Variants in OTOG observed in about 807,000 individuals in gnomAD.
The protein encoded by OTOG is otogelin.
Under a neutral mutation model 313.8 loss-of-function variants are expected in OTOG, and 296 were observed. That is an observed-to-expected ratio of 0.94 (90% confidence interval 0.86 to 1.04). The LOEUF (loss-of-function observed/expected upper bound fraction) is 1.04, where lower values mean the gene tolerates loss of function less well. OTOG is among the 50% of genes least tolerant of loss of function. The pLI, the probability that OTOG is intolerant of heterozygous loss-of-function variation, is 0.00. For synonymous variants in OTOG, 1,533 were observed against 1,554.9 expected (o/e 0.99, Z 0.33); for missense variants, 3,948 against 3,840.1 (o/e 1.03, Z -0.74).
intron 23 of OTOG, among the ~76,000 whole-genome samples, chr11:17,578,739 C>G (rs1445296941): frequency 6.6e-6 from 1 of 152,134 alleles, no homozygotes; most frequent in Non-Finnish European, 1.5e-5. Flanking sequence ...AGGGAGAGCC[C>G]TGGCCGCTCA....
At chr11:17,552,887 G>A (rs1010935412) in intron 4 of OTOG, among the ~76,000 whole-genome samples, 1 of 152,208 alleles carries the variant, frequency 6.6e-6, no homozygotes, top group African/African-American at 2.4e-5. Flanking sequence ...GCTGGCCTGG[G>A]GGCCACTTGA....
intron 53 of OTOG, 129 bp downstream of exon 53, chr11:17,642,375 C>T: frequency 1.6e-6 from 2 of 1,245,838 alleles, no homozygotes; most frequent in Middle Eastern, 2.1e-4. Flanking sequence ...TGCACTGCCA[C>T]CCCAAATCCA....
chr11:17,629,990 C>CAT (rs1461823363), intron 40 of OTOG, among the ~76,000 whole-genome samples: 2 of 152,028 alleles, frequency 1.3e-5, no homozygotes, highest in Non-Finnish European at 1.5e-5. Context: ...CACACACACA[C>CAT]ATACACACAC....
chr11:17,632,305 C>T, intron 42 of OTOG, 79 bp downstream of exon 42: 4 of 1,433,484 alleles, frequency 2.8e-6, no homozygotes, highest in Non-Finnish European at 3.7e-6. Flanking sequence ...GGCTCCCGGC[C>T]CCAAGTTCAT....
chr11:17,574,314 G>A (rs1565099233), intron 19 of OTOG, among the ~76,000 whole-genome samples: 1 of 125,742 alleles, frequency 8.0e-6, no homozygotes, highest in Non-Finnish European at 1.8e-5. Context: ...GAGGGGGTAG[G>A]AGTGTGTGTG....
chr11:17,555,091 A>T (rs1033175452), intron 6 of OTOG, among the ~76,000 whole-genome samples: 2 of 152,130 alleles, frequency 1.3e-5, no homozygotes, highest in Admixed American at 1.3e-4. Context: ...CCTTCCTGGG[A>T]AGGGTTTCCA....
intron 15 of OTOG, among the ~76,000 whole-genome samples, chr11:17,568,727 C>T (rs1457487233): frequency 6.6e-6 from 1 of 152,200 alleles, no homozygotes; most frequent in African/African-American, 2.4e-5. Context: ...AATATTACCT[C>T]ATTTCCTGCC....
Position 17,547,994 on chromosome 11 carries a change from A to T in OTOG, c.155+7A>T. The stretch of plus-strand genomic sequence containing the variant: ...AGCCAGCCGGGCAACCCAGGTGAGT[A>T]GGTGTGAGCTGTGGCGGCCCCACCC... On this transcript the variant is annotated splice_region_variant and intron_variant, in intron 2 of 55. Transcript: ENST00000399397. 1.4e-6 allele frequency: 1 copy of T among 698,724 alleles called. No individual in the cohort carries two copies. The highest frequency in any genetic ancestry group is 2.2e-6 in the Non-Finnish European group (1 of 455,460). 43.3% of individuals were successfully genotyped at this position (698,724 alleles called of 1,614,324 possible). A position where few individuals can be genotyped will look rare whatever the true frequency, so the allele number is the denominator to read the frequency against.
At chr11:17,620,940 A>G (rs150458964) in intron 39 of OTOG, among the ~76,000 whole-genome samples, 2 of 152,270 alleles carry the variant, frequency 1.3e-5, no homozygotes, top group East Asian at 3.9e-4. Flanking sequence ...CATCTGCACA[A>G]GTTTGATTTG....
intron 15 of OTOG, among the ~76,000 whole-genome samples, chr11:17,564,862 C>A (rs567798323): frequency 5.1e-4 from 77 of 152,316 alleles, no homozygotes; most frequent in African/African-American, 1.8e-3. Flanking sequence ...CAGAGCTGAG[C>A]CCGACCTAGG....
intron 28 of OTOG, among the ~76,000 whole-genome samples, chr11:17,594,966 C>A (rs112268554): frequency 1.3e-5 from 2 of 152,134 alleles, no homozygotes; most frequent in African/African-American, 4.8e-5. Context: ...GGACTGTGAT[C>A]GATTATTTAT....
chr11:17,573,001 G>A (rs1852437152), intron 18 of OTOG, 77 bp from the exon 19 acceptor site: 15 of 1,328,572 alleles, frequency 1.1e-5, no homozygotes, highest in Middle Eastern at 1.8e-4. Flanking sequence ...GAGCCATGGG[G>A]AGGGAGAGAG....
rs539206957 is a variant in OTOG, at chr11:17,620,896, A to G, written c.6528+7195A>G. ...TATAGTGTCTAAACATATTAATTCC[A>G]TTCAGTGGTTTTCATCTCAGACATG... On this transcript the variant is annotated intron_variant, in intron 39 of 55. Coordinates refer to ENST00000399397, the MANE Select transcript of OTOG (RefSeq NM_001292063.2). Among the ~76,000 whole-genome samples the G allele has an allele frequency of 2.5e-4, 38 of 152,296 alleles. No individual in the cohort carries two copies. The South Asian group carries it at 7.2e-3, about 29-fold the overall frequency.
chr11:17,599,639 C>G, intron 30 of OTOG, 32 bp from the exon 31 acceptor site: 1 of 1,550,430 alleles, frequency 6.4e-7, no homozygotes, highest in Non-Finnish European at 8.7e-7. Context: ...TCTGGGCTGG[C>G]TCTCAGGAAG....
chr11:17,639,310 G>A, intron 48 of OTOG, 113 bp from the exon 49 acceptor site: 1 of 1,139,152 alleles, frequency 8.8e-7, no homozygotes, highest in South Asian at 1.4e-5. Context: ...GCCTGGCCTG[G>A]AGCTGGGTCT....
chr11:17,558,150 C>T (rs570337320), intron 8 of OTOG, 35 bp from the exon 9 acceptor site: 45 of 1,549,278 alleles, frequency 2.9e-5, no homozygotes, highest in South Asian at 2.1e-4. Context: ...CCAACCCCAT[C>T]GCTGCCCCAT....
At chr11:17,567,700 T>C (rs981243723) in intron 15 of OTOG, among the ~76,000 whole-genome samples, 2 of 152,188 alleles carry the variant, frequency 1.3e-5, no homozygotes, top group African/African-American at 4.8e-5. Context: ...TAGTCTTCTT[T>C]ATGCCCTTGA....
chr11:17,602,427 G>A (rs1156374635), intron 32 of OTOG, 50 bp downstream of exon 32: 10 of 1,523,724 alleles, frequency 6.6e-6, no homozygotes. Context: ...GCAGGAGGGT[G>A]CTAGAGGAGG....
chr11:17,558,162 A>C (rs1852095078), intron 8 of OTOG, 23 bp from the exon 9 acceptor site: 1 of 1,549,946 alleles, frequency 6.5e-7, no homozygotes, highest in African/African-American at 1.4e-5. Context: ...CTGCCCCATC[A>C]TGATGTCAGC....
Sources: allele counts gnomAD v4.1 joint callset (sites outside exome capture counted in the v4.1 genomes callset), GRCh38; gene constraint gnomAD v4.1.1; transcripts MANE v1.5; gene names NCBI Gene and HGNC (gene_info 2026-07-23, HGNC 2026-07-21).